ZFPM2: variants seen among roughly 807,000 people sequenced by gnomAD.
ZFPM2 encodes the protein zinc finger protein ZFPM2.
In ZFPM2, 20 loss-of-function variants were observed where a neutral mutation model predicts 98.6. That is an observed-to-expected ratio of 0.20 (90% CI 0.14 to 0.29). The LOEUF is 0.29. ZFPM2 is among the 10% of genes least tolerant of loss of function. The pLI is 1.00. For synonymous variants in ZFPM2, 518 were observed against 502.7 expected (o/e 1.03, Z -0.41); for missense variants, 1,310 against 1,388.6 (o/e 0.94, Z 0.90).
intron 1 of ZFPM2, among the ~76,000 whole-genome samples, chr8:105,346,093 A>G (rs1036460975): frequency 1.3e-5 from 2 of 152,152 alleles, no homozygotes; most frequent in African/African-American, 2.4e-5. Flanking sequence ...AAATGGATAG[A>G]TTTAGTTCTT....
chr8:105,595,047 T>G (rs1269731720), intron 4 of ZFPM2, among the ~76,000 whole-genome samples: 2 of 152,090 alleles, frequency 1.3e-5, no homozygotes, highest in African/African-American at 4.8e-5. Context: ...GGAAAGAATA[T>G]GGGGGAGTTT....
At chr8:105,633,629 G>A (rs534198957) in intron 4 of ZFPM2, among the ~76,000 whole-genome samples, 1 of 152,272 alleles carries the variant, frequency 6.6e-6, no homozygotes, top group South Asian at 2.1e-4. Flanking sequence ...TAGTTGCTCT[G>A]CATTTGAATT....
intron 3 of ZFPM2, among the ~76,000 whole-genome samples, chr8:105,498,044 A>C (rs1238353087): frequency 4.0e-5 from 6 of 149,462 alleles, no homozygotes; most frequent in Non-Finnish European, 7.5e-5. Context: ...AAAAAAAAAA[A>C]AACAAAATCC....
chr8:105,514,307 CTTTTTTT>C (rs56955237), intron 3 of ZFPM2, among the ~76,000 whole-genome samples: 5 of 127,546 alleles, frequency 3.9e-5, no homozygotes, highest in East Asian at 5.5e-4. Flanking sequence ...CTGGTCGTGT[CTTTTTTT>C]TTTTTTTTTT....
intron 5 of ZFPM2, among the ~76,000 whole-genome samples, chr8:105,645,294 A>T (rs1817022179): frequency 6.6e-6 from 1 of 152,138 alleles, no homozygotes; most frequent in Non-Finnish European, 1.5e-5. Flanking sequence ...ATAATTTACA[A>T]GATTTATTTT....
At chr8:105,613,105 A>G (rs574814522) in intron 4 of ZFPM2, among the ~76,000 whole-genome samples, 1 of 152,198 alleles carries the variant, frequency 6.6e-6, no homozygotes, top group East Asian at 1.9e-4. Context: ...AGTAGTCACA[A>G]TGATATATGT....
At chr8:105,453,368 C>G (rs753070247) in intron 3 of ZFPM2, among the ~76,000 whole-genome samples, 1 of 152,142 alleles carries the variant, frequency 6.6e-6, no homozygotes, top group South Asian at 2.1e-4. Flanking sequence ...TACCATAAAA[C>G]TATATTATCA....
intron 6 of ZFPM2, among the ~76,000 whole-genome samples, chr8:105,793,909 C>A (rs1444555772): frequency 6.6e-6 from 1 of 151,974 alleles, no homozygotes; most frequent in Non-Finnish European, 1.5e-5. Context: ...AGTTCTCGAG[C>A]CTTGGCTTTC....
At chr8:105,422,150 T>A (rs1357586702) in intron 2 of ZFPM2, among the ~76,000 whole-genome samples, 1 of 151,446 alleles carries the variant, frequency 6.6e-6, no homozygotes, top group Non-Finnish European at 1.5e-5. Flanking sequence ...AAGAAAAGTA[T>A]TTTTAGGCCG....
chr8:105,797,821 C>T (rs1403394645), intron 6 of ZFPM2, among the ~76,000 whole-genome samples: 2 of 152,258 alleles, frequency 1.3e-5, no homozygotes, highest in African/African-American at 4.8e-5. Context: ...CTCCTGCCAT[C>T]AGCCTCTTTT....
intron 5 of ZFPM2, among the ~76,000 whole-genome samples, chr8:105,769,860 G>A (rs1341979359): frequency 6.6e-6 from 1 of 151,502 alleles, no homozygotes; most frequent in East Asian, 1.9e-4. Context: ...GATCATTCTG[G>A]TGGACCCTTT....
chr8:105,612,514 A>C (rs1816327733), intron 4 of ZFPM2, among the ~76,000 whole-genome samples: 1 of 152,214 alleles, frequency 6.6e-6, no homozygotes, highest in African/African-American at 2.4e-5. Context: ...GTCTATTTAT[A>C]ACTAGGATTC....
At chr8:105,570,943 C>T (rs1280958368) in intron 4 of ZFPM2, among the ~76,000 whole-genome samples, 1 of 152,184 alleles carries the variant, frequency 6.6e-6, no homozygotes, top group Non-Finnish European at 1.5e-5. Flanking sequence ...TTTCCCAGAA[C>T]TCCAAGGAGA....
At chr8:105,754,946 ATGTGTG>A (rs34267329) in intron 5 of ZFPM2, among the ~76,000 whole-genome samples, 11,913 of 146,472 alleles carry the variant, frequency 0.081, 668 homozygotes, top group African/African-American at 0.16. Flanking sequence ...GAAATTTAAT[ATGTGTG>A]TGTGTGTGTG....
At chr8:105,754,221 C>T (rs553741389) in intron 5 of ZFPM2, among the ~76,000 whole-genome samples, 1 of 152,166 alleles carries the variant, frequency 6.6e-6, no homozygotes, top group South Asian at 2.1e-4. Context: ...TACAGTTATA[C>T]ACGATGAGGG....
At chr8:105,789,951 A>T (rs1459678347) in intron 6 of ZFPM2, among the ~76,000 whole-genome samples, 1 of 151,404 alleles carries the variant, frequency 6.6e-6, no homozygotes. Flanking sequence ...TTTCTTGTAA[A>T]TTTGTTGGAG....
intron 4 of ZFPM2, among the ~76,000 whole-genome samples, chr8:105,572,278 C>T (rs184119785): frequency 3.6e-4 from 54 of 152,072 alleles, no homozygotes; most frequent in Admixed American, 2.6e-3. Context: ...ACCTTGTGAT[C>T]GCCTGCCTTG....
At chr8:105,534,067 CCTTCCTCCCTCCCAT>C (rs1814377383) in intron 3 of ZFPM2, among the ~76,000 whole-genome samples, 2 of 50,752 alleles carry the variant, frequency 3.9e-5, no homozygotes, top group Non-Finnish European at 7.5e-5. Flanking sequence ...TCCCTCCCTT[CCTTCCTCCCTCCCAT>C]CTTCCTCCCT....
At chr8:105,766,829 C>G (rs182472078) in intron 5 of ZFPM2, among the ~76,000 whole-genome samples, 262 of 151,918 alleles carry the variant, frequency 1.7e-3, no homozygotes, top group Non-Finnish European at 2.4e-3. Context: ...AGACCAAATT[C>G]CTGGCTCTTT....
Sources: allele counts gnomAD v4.1 joint callset (sites outside exome capture counted in the v4.1 genomes callset), GRCh38; gene constraint gnomAD v4.1.1; transcripts MANE v1.5; gene names NCBI Gene and HGNC (gene_info 2026-07-23, HGNC 2026-07-21).